The following PCSK5 variants were observed in gnomAD, a reference collection of about 807,000 sequenced individuals.
PCSK5 encodes prohormone convertase 5.
Under a neutral mutation model 233.2 loss-of-function variants are expected in PCSK5, and 129 were observed. The ratio of observed to expected loss-of-function variants is 0.55; its 90% CI spans 0.48 to 0.64. PCSK5 has a LOEUF of 0.64. Ranked by LOEUF, PCSK5 falls within the 30% of genes least tolerant of loss-of-function variation. The pLI is 0.00. For missense variants in PCSK5, 2,076 were observed against 2,430.1 expected (o/e 0.85, Z 3.06); for synonymous variants, 825 against 879.2 (o/e 0.94, Z 1.09).
intron 33 of PCSK5, among the ~76,000 whole-genome samples, chr9:76,329,805 C>T (rs1475006214): frequency 6.6e-6 from 1 of 151,982 alleles, no homozygotes; most frequent in Admixed American, 6.6e-5. Flanking sequence ...TACACTCCAG[C>T]CTAGGCAACA....
chr9:75,969,983 C>T (rs983290152), intron 2 of PCSK5, among the ~76,000 whole-genome samples: 1 of 151,684 alleles, frequency 6.6e-6, no homozygotes, highest in Non-Finnish European at 1.5e-5. Flanking sequence ...AAGCAATTCT[C>T]CTGTCTCAGC....
chr9:76,095,716 G>A (rs768142489), intron 7 of PCSK5, among the ~76,000 whole-genome samples, 174 bp from the exon 8 acceptor site: 3 of 151,976 alleles, frequency 2.0e-5, no homozygotes, highest in East Asian at 1.9e-4. Flanking sequence ...TTTTCTGACC[G>A]TTTTAGTCTA....
At chr9:75,967,222 A>G (rs1825627146) in intron 2 of PCSK5, among the ~76,000 whole-genome samples, 1 of 152,158 alleles carries the variant, frequency 6.6e-6, no homozygotes. Context: ...TTATCCAGGT[A>G]GTGAGCATAG....
chr9:75,948,146 T>G (rs1216981585), intron 2 of PCSK5, among the ~76,000 whole-genome samples: 3 of 152,110 alleles, frequency 2.0e-5, no homozygotes, highest in African/African-American at 7.2e-5. Context: ...CATGCCTGGC[T>G]TCCCCACAGA....
chr9:76,133,980 C>T (rs1180063084), intron 9 of PCSK5, 129 bp from the exon 10 acceptor site: 1 of 645,388 alleles, frequency 1.5e-6, no homozygotes, highest in Non-Finnish European at 2.7e-6. Flanking sequence ...TATCCCAAAC[C>T]CAAATCTCTG....
chr9:76,073,736 G>T (rs973628610), intron 7 of PCSK5, among the ~76,000 whole-genome samples: 5 of 150,854 alleles, frequency 3.3e-5, no homozygotes, highest in Admixed American at 6.6e-5. Context: ...TATATATAAA[G>T]AATGCCCCAT....
chr9:75,994,923 A>C (rs1004297730), intron 3 of PCSK5, among the ~76,000 whole-genome samples: 2 of 152,216 alleles, frequency 1.3e-5, no homozygotes, highest in Non-Finnish European at 2.9e-5. Context: ...AAGGCCTCAC[A>C]TGATTTGTTC....
At position 76,023,882 on chromosome 9, in the gene PCSK5, G is replaced by A; in HGVS notation, c.555+1G>A. On this transcript the variant is annotated splice_donor_variant, in intron 4 of 37. Transcript: ENST00000674117. LOFTEE classifies it high-confidence loss of function. Reference sequence around the variant, plus strand: ...CCATCCAGATCTGATGCAAAACTACGTGAGTGTATGCTGTGGTTAGAAGGT... The same window carrying A: ...CCATCCAGATCTGATGCAAAACTACATGAGTGTATGCTGTGGTTAGAAGGT... 2 of 1,609,524 alleles carry A rather than the reference G, an allele frequency of 1.2e-6. No homozygotes were observed. The highest frequency in any genetic ancestry group is 8.5e-7 in the Non-Finnish European group (1 of 1,177,900).
chr9:76,324,060 G>T (rs1472180903), intron 32 of PCSK5, among the ~76,000 whole-genome samples: 1 of 151,764 alleles, frequency 6.6e-6, no homozygotes, highest in Non-Finnish European at 1.5e-5. Context: ...TGAGTAACTG[G>T]GACTACAGGC....
At chr9:75,906,556 A>G (rs1042430671) in intron 1 of PCSK5, among the ~76,000 whole-genome samples, 1 of 152,224 alleles carries the variant, frequency 6.6e-6, no homozygotes, top group Non-Finnish European at 1.5e-5. Flanking sequence ...AGCTCCAACC[A>G]CATGGTAGTC....
intron 24 of PCSK5, among the ~76,000 whole-genome samples, chr9:76,278,921 T>C (rs1254993386): frequency 6.6e-6 from 1 of 152,192 alleles, no homozygotes; most frequent in Non-Finnish European, 1.5e-5. Flanking sequence ...GTTGCATTTT[T>C]TTTATTATAC....
At chr9:75,977,159 T>G (rs181469767) in intron 2 of PCSK5, among the ~76,000 whole-genome samples, 964 of 152,324 alleles carry the variant, frequency 6.3e-3, no homozygotes, top group Non-Finnish European at 9.8e-3. Context: ...TGCCAAAAAT[T>G]GGAATAAACC....
intron 10 of PCSK5, among the ~76,000 whole-genome samples, chr9:76,142,922 ACCT>A (rs1823287245): frequency 6.6e-6 from 1 of 152,052 alleles, no homozygotes; most frequent in Non-Finnish European, 1.5e-5. Flanking sequence ...TAAATTATTA[ACCT>A]CCTTATTTTC....
In PCSK5 at chr9:76,084,391, T is replaced by G. The variant is rs778869936; in HGVS notation, c.895-11499T>G. Among the ~76,000 whole-genome samples the G allele has an allele frequency of 2.1e-4, 32 of 152,262 alleles. 1 individual carries two copies. The highest frequency in any genetic ancestry group is 1.2e-3 in the South Asian group (6 of 4,836). On this transcript the variant is annotated intron_variant, in intron 7 of 37. Coordinates refer to ENST00000674117, the MANE Select transcript of PCSK5 (RefSeq NM_001372043.1). ...TCAAATTTTTATTATCATCTTGTTT[T>G]CAGTTTTAGTTTAGAGATCCATTAG...
At chr9:76,286,728 G>C in intron 24 of PCSK5, 1 of 164,294 alleles carries the variant, frequency 6.1e-6, no homozygotes, top group South Asian at 1.6e-4. Flanking sequence ...GAGGTAGGTT[G>C]AAGTCATTGG....
intron 24 of PCSK5, among the ~76,000 whole-genome samples, chr9:76,241,690 A>G (rs1401626194): frequency 1.3e-5 from 2 of 152,346 alleles, no homozygotes; most frequent in East Asian, 3.9e-4. Flanking sequence ...GATAAAATGA[A>G]AAATAGGGAG....
chr9:76,179,290 C>G (rs545608507), intron 14 of PCSK5, among the ~76,000 whole-genome samples: 2 of 151,992 alleles, frequency 1.3e-5, no homozygotes, highest in African/African-American at 2.4e-5. Flanking sequence ...TTTCCAGTTG[C>G]TACAGTTCAT....
At chr9:75,917,164 G>C (rs543292779) in intron 1 of PCSK5, among the ~76,000 whole-genome samples, 3 of 114,162 alleles carry the variant, frequency 2.6e-5, no homozygotes, top group African/African-American at 1.1e-4. Flanking sequence ...GAGAGACTCC[G>C]TCTCAGAAAA....
At chr9:76,249,252 C>G (rs774458010) in intron 24 of PCSK5, among the ~76,000 whole-genome samples, 1 of 152,090 alleles carries the variant, frequency 6.6e-6, no homozygotes, top group Non-Finnish European at 1.5e-5. Context: ...ACTGCTCCCC[C>G]ACAACAAAGA....
Sources: gnomAD v4.1 joint callset for allele counts (sites outside exome capture counted in the v4.1 genomes callset) on GRCh38, gnomAD v4.1.1 for gene constraint, MANE v1.5 for transcripts, NCBI Gene and HGNC (gene_info 2026-07-23, HGNC 2026-07-21) for gene names.